The following TYW1B variants were observed in gnomAD, a reference collection of about 807,000 sequenced individuals.
TYW1B encodes S-adenosyl-L-methionine-dependent tRNA 4-demethylwyosine synthase TYW1B.
Under a neutral mutation model 86.9 loss-of-function variants are expected in TYW1B, and 73 were observed. The observed-to-expected ratio is 0.84, with a 90% CI of 0.70 to 1.02. The LOEUF (loss-of-function observed/expected upper bound fraction) is 1.02, where lower values mean the gene tolerates loss of function less well. Ranked by LOEUF, TYW1B falls within the 50% of genes least tolerant of loss-of-function variation. The pLI, the probability that TYW1B is intolerant of heterozygous loss-of-function variation, is 0.00. For synonymous variants in TYW1B, 248 were observed against 292.8 expected, an observed-to-expected ratio of 0.85 and a Z score of 1.56; for missense variants, 637 against 827.4, an observed-to-expected ratio of 0.77 and a Z score of 2.82.
At chr7:72,693,886 A>G (rs1226029447) in intron 11 of TYW1B, among the ~76,000 whole-genome samples, 1 of 152,206 alleles carries the variant, frequency 6.6e-6, no homozygotes, top group Non-Finnish European at 1.5e-5. Flanking sequence ...TATTATAAGT[A>G]ATGTAGAGAT....
chr7:72,820,587 G>A (rs1788810211), intron 2 of TYW1B, among the ~76,000 whole-genome samples: 1 of 152,142 alleles, frequency 6.6e-6, no homozygotes, highest in Non-Finnish European at 1.5e-5. Context: ...GAGCTGGCGA[G>A]CACAAAGATC....
intron 7 of TYW1B, among the ~76,000 whole-genome samples, chr7:72,764,516 C>T (rs1179609768): frequency 2.6e-5 from 4 of 152,158 alleles, no homozygotes; most frequent in African/African-American, 7.2e-5. Context: ...CTCCTAACCT[C>T]GTCATCCGCC....
chr7:72,632,342 T>C (rs1812526248), intron 11 of TYW1B, among the ~76,000 whole-genome samples: 1 of 121,618 alleles, frequency 8.2e-6, no homozygotes, highest in African/African-American at 3.4e-5. Flanking sequence ...TACACGTATA[T>C]ATATTATATA....
chr7:72,685,781 T>C (rs1813994806), intron 11 of TYW1B, among the ~76,000 whole-genome samples: 1 of 152,124 alleles, frequency 6.6e-6, no homozygotes, highest in Non-Finnish European at 1.5e-5. Context: ...ACCAAAGGCA[T>C]GACCCATGAG....
At chr7:72,800,787 A>G (rs187046721) in intron 6 of TYW1B, among the ~76,000 whole-genome samples, 9 of 151,040 alleles carry the variant, frequency 6.0e-5, no homozygotes, top group Non-Finnish European at 1.2e-4. Context: ...CAGGGTTTTC[A>G]TAACTATTAT....
At chr7:72,599,275 GAAA>G (rs565616478) in intron 13 of TYW1B, among the ~76,000 whole-genome samples, 1 of 148,650 alleles carries the variant, frequency 6.7e-6, no homozygotes, top group African/African-American at 2.5e-5. Context: ...ATAGGCTAAA[GAAA>G]AAAAAAATCA....
At chr7:72,645,032 T>G (rs1227103843) in intron 11 of TYW1B, among the ~76,000 whole-genome samples, 3 of 152,162 alleles carry the variant, frequency 2.0e-5, no homozygotes, top group African/African-American at 7.2e-5. Flanking sequence ...TTTCACCGTG[T>G]TAGCCAGGAT....
intron 11 of TYW1B, among the ~76,000 whole-genome samples, chr7:72,665,972 C>T (rs1380061666): frequency 1.3e-5 from 2 of 152,142 alleles, no homozygotes; most frequent in Non-Finnish European, 2.9e-5. Context: ...GGAAGGCAAT[C>T]TATCACTATG....
At chr7:72,685,489 C>T (rs1196863988) in intron 11 of TYW1B, among the ~76,000 whole-genome samples, 1 of 152,000 alleles carries the variant, frequency 6.6e-6, no homozygotes, top group African/African-American at 2.4e-5. Context: ...CAGAATACAG[C>T]CCAGGAAAAG....
At chr7:72,693,800 TAAAAC>T (rs1235850401) in intron 11 of TYW1B, among the ~76,000 whole-genome samples, 1 of 151,890 alleles carries the variant, frequency 6.6e-6, no homozygotes, top group African/African-American at 2.4e-5. Context: ...TTGGAAAAAA[TAAAAC>T]AATTAAAAAT....
intron 13 of TYW1B, among the ~76,000 whole-genome samples, chr7:72,607,277 C>CT (rs1811822167): frequency 6.6e-6 from 1 of 151,180 alleles, no homozygotes; most frequent in Non-Finnish European, 1.5e-5. Flanking sequence ...CCTGTAATCC[C>CT]AGCTACTCAG....
chr7:72,609,074 A>G (rs533463249), intron 13 of TYW1B, among the ~76,000 whole-genome samples: 4 of 152,292 alleles, frequency 2.6e-5, no homozygotes, highest in East Asian at 1.9e-4. Flanking sequence ...CACTGGGGGA[A>G]ACTACATGAA....
intron 8 of TYW1B, among the ~76,000 whole-genome samples, chr7:72,744,078 C>T (rs1787352389): frequency 6.6e-6 from 1 of 151,540 alleles, no homozygotes; most frequent in African/African-American, 2.4e-5. Flanking sequence ...AACAAGACAC[C>T]CAAGCTGATA....
chr7:72,673,266 A>T (rs562965898), intron 11 of TYW1B, among the ~76,000 whole-genome samples: 15 of 152,394 alleles, frequency 9.8e-5, no homozygotes, highest in Middle Eastern at 3.4e-3. Flanking sequence ...TTTTCAGATC[A>T]GTATATCGAA....
intron 13 of TYW1B, among the ~76,000 whole-genome samples, chr7:72,577,854 T>C (rs544437426): frequency 3.3e-5 from 5 of 152,330 alleles, no homozygotes; most frequent in East Asian, 1.9e-4. Flanking sequence ...CTAACTCACA[T>C]GTCCTTCATC....
intron 7 of TYW1B, among the ~76,000 whole-genome samples, chr7:72,771,584 A>G (rs1304125912): frequency 6.6e-6 from 1 of 152,176 alleles, no homozygotes; most frequent in Non-Finnish European, 1.5e-5. Context: ...AAACAAACAA[A>G]AAAAACCTGC....
At chr7:72,802,900 C>G (rs1788427907) in intron 5 of TYW1B, among the ~76,000 whole-genome samples, 1 of 152,058 alleles carries the variant, frequency 6.6e-6, no homozygotes, top group African/African-American at 2.4e-5. Context: ...AGATTACAGG[C>G]GTCAACAACA....
chr7:72,794,592 A>G (rs544072133), intron 6 of TYW1B, among the ~76,000 whole-genome samples: 2 of 152,194 alleles, frequency 1.3e-5, no homozygotes, highest in East Asian at 3.9e-4. Context: ...CTGCCGGAAA[A>G]TGGGCTCAAA....
chr7:72,728,458 C>G (rs1354504466), intron 9 of TYW1B, among the ~76,000 whole-genome samples: 1 of 152,144 alleles, frequency 6.6e-6, no homozygotes, highest in Non-Finnish European at 1.5e-5. Flanking sequence ...AGGCAACCAC[C>G]ATCATGCCCA....
Sources: gnomAD v4.1 joint callset for allele counts (sites outside exome capture counted in the v4.1 genomes callset) on GRCh38, gnomAD v4.1.1 for gene constraint, MANE v1.5 for transcripts, NCBI Gene and HGNC (gene_info 2026-07-23, HGNC 2026-07-21) for gene names.